The following SH3RF3 variants were observed in gnomAD, a reference collection of about 807,000 sequenced individuals.
SH3RF3 encodes the protein E3 ubiquitin-protein ligase SH3RF3.
SH3RF3 carries 29 observed loss-of-function variants against 66.3 expected under a neutral mutation model. The observed-to-expected ratio is 0.44, with a 90% CI of 0.33 to 0.60. The LOEUF is 0.60. Among genes scored for constraint, SH3RF3 ranks in the 20% least tolerant of loss-of-function variants. The pLI, the probability that SH3RF3 is intolerant of heterozygous loss-of-function variation, is 0.04. For synonymous variants in SH3RF3, 583 were observed against 532.0 expected (o/e 1.10, Z -1.32); for missense variants, 1,194 against 1,190.9 (o/e 1.00, Z -0.04).
chr2:109,172,490 A>G (rs1294053186), intron 1 of SH3RF3, among the ~76,000 whole-genome samples: 1 of 152,152 alleles, frequency 6.6e-6, no homozygotes, highest in Non-Finnish European at 1.5e-5. Context: ...TGCAGTGAAA[A>G]TAGTCCTTAA....
chr2:109,458,572 C>CAGAGAGAGAGAGAGAGAGAGAGAG (rs70958708), intron 8 of SH3RF3, among the ~76,000 whole-genome samples: 4,421 of 122,788 alleles, frequency 0.036, 517 homozygotes, highest in African/African-American at 0.039. Flanking sequence ...CAGCAGGAGA[C>CAGAGAGAGAGAGAGAGAGAGAGAG]AGAGAGAGAG....
At chr2:109,161,620 G>A (rs1677492251) in intron 1 of SH3RF3, among the ~76,000 whole-genome samples, 1 of 151,890 alleles carries the variant, frequency 6.6e-6, no homozygotes, top group South Asian at 2.1e-4. Flanking sequence ...TGGAAGACTG[G>A]GCAACTGGCA....
At chr2:109,318,325 G>T (rs1181104416) in intron 1 of SH3RF3, among the ~76,000 whole-genome samples, 8 of 151,968 alleles carry the variant, frequency 5.3e-5, no homozygotes. Flanking sequence ...GGTGCCTCCC[G>T]GCCCCCAGCC....
chr2:109,381,419 G>A (rs868103256), intron 3 of SH3RF3, among the ~76,000 whole-genome samples: 2 of 152,220 alleles, frequency 1.3e-5, no homozygotes, highest in South Asian at 2.1e-4. Context: ...GGCCCTGCTG[G>A]TCTCAGCACG....
intron 1 of SH3RF3, among the ~76,000 whole-genome samples, chr2:109,202,238 C>T (rs757467134): frequency 1.4e-4 from 21 of 152,146 alleles, no homozygotes; most frequent in Non-Finnish European, 2.1e-4. Flanking sequence ...AGTGAGGATG[C>T]GGCCCCCACC....
At chr2:109,153,787 C>A (rs1677274758) in intron 1 of SH3RF3, among the ~76,000 whole-genome samples, 1 of 152,332 alleles carries the variant, frequency 6.6e-6, no homozygotes, top group South Asian at 2.1e-4. Flanking sequence ...ACCCCCCGAC[C>A]CCCGATGCCA....
At chr2:109,342,591 C>G (rs1251526961) in intron 1 of SH3RF3, among the ~76,000 whole-genome samples, 1 of 152,150 alleles carries the variant, frequency 6.6e-6, no homozygotes, top group African/African-American at 2.4e-5. Flanking sequence ...GCTGGGAGGT[C>G]TGGAATAGGC....
intron 2 of SH3RF3, among the ~76,000 whole-genome samples, chr2:109,356,586 C>T (rs1682947428): frequency 6.6e-6 from 1 of 152,240 alleles, no homozygotes; most frequent in African/African-American, 2.4e-5. Flanking sequence ...ATAGTTTCTT[C>T]CTCAGCCAAA....
chr2:109,477,283 C>T (rs1678707300), intron 8 of SH3RF3, among the ~76,000 whole-genome samples: 1 of 152,232 alleles, frequency 6.6e-6, no homozygotes, highest in Non-Finnish European at 1.5e-5. Context: ...CTCCCCGTTC[C>T]TGCACAGGCA....
intron 1 of SH3RF3, among the ~76,000 whole-genome samples, chr2:109,195,706 A>AT (rs556934038): frequency 3.4e-4 from 51 of 151,838 alleles, no homozygotes; most frequent in East Asian, 2.5e-3. Context: ...TGCTATTTTT[A>AT]TTTTTTTTGG....
intron 3 of SH3RF3, among the ~76,000 whole-genome samples, chr2:109,374,763 C>T (rs187641192): frequency 2.4e-3 from 364 of 152,354 alleles, no homozygotes; most frequent in Admixed American, 5.8e-3. Context: ...CTGCAGGCAC[C>T]TGGCAGGGTT....
chr2:109,432,693 C>A, intron 6 of SH3RF3, 22 bp downstream of exon 6: 1 of 1,602,366 alleles, frequency 6.2e-7, no homozygotes, highest in Non-Finnish European at 8.5e-7. Context: ...GTGGTGGCAG[C>A]CTGGGCAAGG....
chr2:109,132,069 T>C (rs1419780684), intron 1 of SH3RF3, among the ~76,000 whole-genome samples: 4 of 152,238 alleles, frequency 2.6e-5, no homozygotes, highest in African/African-American at 4.8e-5. Context: ...GGTACTTTAC[T>C]GTCCATTGGA....
At chr2:109,315,061 A>G (rs1265100353) in intron 1 of SH3RF3, among the ~76,000 whole-genome samples, 4 of 152,232 alleles carry the variant, frequency 2.6e-5, no homozygotes, top group Non-Finnish European at 4.4e-5. Context: ...GAGCCCATAC[A>G]CGACACGTTT....
chr2:109,212,158 T>A (rs1678999940), intron 1 of SH3RF3, among the ~76,000 whole-genome samples: 1 of 152,180 alleles, frequency 6.6e-6, no homozygotes, highest in African/African-American at 2.4e-5. Context: ...TGTGGTTTTG[T>A]TTGGCTTCTG....
intron 1 of SH3RF3, among the ~76,000 whole-genome samples, chr2:109,299,504 C>T (rs1419222613): frequency 6.6e-6 from 1 of 152,012 alleles, no homozygotes; most frequent in African/African-American, 2.4e-5. Flanking sequence ...TGATGTACCC[C>T]TAGGCCTTAG....
In SH3RF3 at chr2:109,398,587, C is replaced by T; in HGVS notation, c.946-3C>T. The stretch of plus-strand genomic sequence containing the variant: ...AGCCTCCCCTCTCCCCTTTCTCACT[C>T]AGCTCAATGACTCCGCCAAGCAGCT... On this transcript the variant is annotated splice_polypyrimidine_tract_variant and splice_region_variant and intron_variant, in intron 3 of 9. Transcript: ENST00000309415. 3 of 1,550,268 alleles carry T rather than the reference C, an allele frequency of 1.9e-6. No homozygotes were observed. Among genetic ancestry groups the T allele is most frequent in the Non-Finnish European group, 2.6e-6 (3 of 1,148,136 alleles).
At chr2:109,458,853 T>C (rs974455346) in intron 8 of SH3RF3, among the ~76,000 whole-genome samples, 1 of 152,210 alleles carries the variant, frequency 6.6e-6, no homozygotes. Context: ...ATTAACACAT[T>C]TGCCAAATGC....
At chr2:109,207,885 G>A (rs908987992) in intron 1 of SH3RF3, among the ~76,000 whole-genome samples, 2 of 152,124 alleles carry the variant, frequency 1.3e-5, no homozygotes, top group Non-Finnish European at 2.9e-5. Context: ...GCCTATGGCA[G>A]TTTCCCTGTA....
Sources: gnomAD v4.1 joint callset for allele counts (sites outside exome capture counted in the v4.1 genomes callset) on GRCh38, gnomAD v4.1.1 for gene constraint, MANE v1.5 for transcripts, NCBI Gene and HGNC (gene_info 2026-07-23, HGNC 2026-07-21) for gene names.